Variants in GRIK4 observed in about 807,000 individuals in gnomAD.
GRIK4 encodes the protein glutamate ionotropic receptor kainate type subunit 4.
GRIK4 carries 40 observed loss-of-function variants against 104.9 expected under a neutral mutation model. The ratio of observed to expected loss-of-function variants is 0.38; its 90% CI spans 0.30 to 0.50. The LOEUF (loss-of-function observed/expected upper bound fraction) is 0.50. GRIK4 is among the 20% of genes least tolerant of loss of function. The probability of loss-of-function intolerance (pLI) is 0.93; values close to 1 mark genes in which losing one functional copy is unlikely to be tolerated. For synonymous variants in GRIK4, 485 were observed against 524.9 expected (o/e 0.92, Z 1.04); for missense variants, 1,047 against 1,308.1 (o/e 0.80, Z 3.08).
At chr11:120,645,643 G>A (rs538291131) in intron 1 of GRIK4, among the ~76,000 whole-genome samples, 1 of 152,312 alleles carries the variant, frequency 6.6e-6, no homozygotes, top group South Asian at 2.1e-4. Context: ...CATGGTTGGT[G>A]TAGGTGATCT....
rs147003096 is a variant in GRIK4 at position 120,615,656 on chromosome 11, T to G, written c.-158-38029T>G. 9.2e-5 allele frequency among the ~76,000 whole-genome samples: 14 copies of G among 152,332 alleles called. No individual in the cohort carries two copies. In the East Asian group the frequency reaches 2.3e-3, roughly 25 times the overall value. On this transcript the variant is annotated intron_variant, in intron 1 of 20. Coordinates refer to ENST00000527524, the MANE Select transcript of GRIK4 (RefSeq NM_014619.5). ...CCTCTCAGTAATGCATTCTACCTAC[T>G]GGGCTTGGCTGGCACTCTTCCTGCC...
chr11:120,701,703 C>A (rs371274670), intron 3 of GRIK4, among the ~76,000 whole-genome samples: 1 of 152,092 alleles, frequency 6.6e-6, no homozygotes, highest in South Asian at 2.1e-4. Context: ...ATATTGTTTT[C>A]TGACTTAGAT....
intron 1 of GRIK4, among the ~76,000 whole-genome samples, chr11:120,595,108 C>T (rs1279217540): frequency 2.0e-5 from 3 of 152,174 alleles, no homozygotes; most frequent in African/African-American, 4.8e-5. Context: ...TTAGGAAGGC[C>T]GTCTGTTGCA....
chr11:120,873,963 C>T lies in GRIK4; in HGVS notation c.907-103C>T, dbSNP rs1006111444. 2.8e-6 allele frequency: 3 copies of T among 1,074,740 alleles called. No homozygotes were observed. In the African/African-American group the frequency reaches 4.7e-5, roughly 17 times the overall value. 66.6% of individuals were successfully genotyped at this position (1,074,740 alleles called of 1,614,324 possible). A position where few individuals can be genotyped will look rare whatever the true frequency, so the allele number is the denominator to read the frequency against. On this transcript the variant is annotated intron_variant, in intron 9 of 20. Coordinates refer to ENST00000527524, the MANE Select transcript of GRIK4 (RefSeq NM_014619.5). ...TGCACTCTTATTTCCCTTTCTTTTG[C>T]TTTCTCTTTTCTTCCTCCATTCCTC... is the stretch of plus-strand genomic sequence containing the variant.
chr11:120,532,128 C>T (rs1794552914), intron 1 of GRIK4, among the ~76,000 whole-genome samples: 1 of 152,162 alleles, frequency 6.6e-6, no homozygotes, highest in East Asian at 1.9e-4. Flanking sequence ...TACCTGTGGC[C>T]ACTCAGGCCC....
intron 19 of GRIK4, among the ~76,000 whole-genome samples, chr11:120,969,998 G>T (rs1806505727): frequency 6.6e-6 from 1 of 152,136 alleles, no homozygotes; most frequent in South Asian, 2.1e-4. Flanking sequence ...CTTAGACCCA[G>T]AACCAGTATC....
In GRIK4 at chr11:120,905,596, A is replaced by C. The variant is rs562627117; in HGVS notation, c.1476+103A>C. The C allele has an allele frequency of 2.5e-6, 2 of 794,098 alleles. No individual in the cohort carries two copies. The highest frequency in any genetic ancestry group is 4.3e-6 in the Non-Finnish European group (2 of 467,970). 49.2% of individuals were successfully genotyped at this position (794,098 alleles called of 1,614,324 possible). ...CATGAACCCTCCATTTGTTCAGTCA[A>C]TCATTCATGCATTTGTCATTTATTT... is the stretch of plus-strand genomic sequence containing the variant. On this transcript the variant is annotated intron_variant, in intron 13 of 20. Transcript: ENST00000527524. The surrounding 1 kb of genome is among the most constrained non-coding windows in gnomAD (Gnocchi z 5.1).
At chr11:120,626,921 G>C (rs1170724510) in intron 1 of GRIK4, among the ~76,000 whole-genome samples, 1 of 152,204 alleles carries the variant, frequency 6.6e-6, no homozygotes. Context: ...CAGAAAGCCA[G>C]CCCTAGTGAT....
At position 120,549,013 on chromosome 11, in the gene GRIK4, G is replaced by T. The variant is rs552178114; in HGVS notation, c.-159+37126G>T. Among the ~76,000 whole-genome samples the T allele has an allele frequency of 1.2e-3, 186 of 152,302 alleles. 1 individual carries two copies. The highest frequency in any genetic ancestry group is 2.0e-3 in the Non-Finnish European group (134 of 68,030). ...GCAGGCCCAGGACACAGCACCTCGT[G>T]CATGACCAGGTTTCCCCTCTTCCTG... is the stretch of plus-strand genomic sequence containing the variant. On this transcript the variant is annotated intron_variant, in intron 1 of 20. Transcript: ENST00000527524. This position sits in a 1 kb window ranked among gnomAD's most constrained non-coding sequence, Gnocchi z 4.7.
intron 1 of GRIK4, among the ~76,000 whole-genome samples, chr11:120,561,947 G>A (rs1351192809): frequency 6.6e-6 from 1 of 152,212 alleles, no homozygotes; most frequent in Non-Finnish European, 1.5e-5. Flanking sequence ...GAATATCCAG[G>A]AGGGTATGGC....
At chr11:120,632,549 T>G (rs1198893511) in intron 1 of GRIK4, among the ~76,000 whole-genome samples, 1 of 152,084 alleles carries the variant, frequency 6.6e-6, no homozygotes, top group Non-Finnish European at 1.5e-5. Context: ...TAGCTCCAGG[T>G]ATGAGATATA....
chr11:120,864,050 A>C (rs1219594987), intron 9 of GRIK4, among the ~76,000 whole-genome samples: 1 of 152,148 alleles, frequency 6.6e-6, no homozygotes, highest in Non-Finnish European at 1.5e-5. Flanking sequence ...AGCTGAAGGA[A>C]GGAGTCATGT....
intron 6 of GRIK4, among the ~76,000 whole-genome samples, chr11:120,826,534 G>T (rs1953264278): frequency 6.6e-6 from 1 of 152,226 alleles, no homozygotes. Flanking sequence ...TATTCTCAGA[G>T]CAGGGATGTC....
chr11:120,648,319 G>T (rs529154697), intron 1 of GRIK4, among the ~76,000 whole-genome samples: 1 of 152,338 alleles, frequency 6.6e-6, no homozygotes, highest in South Asian at 2.1e-4. Context: ...AAATGCAGAT[G>T]CCCAGGGCAG....
At chr11:120,963,886 G>A (rs1365174932) in intron 18 of GRIK4, among the ~76,000 whole-genome samples, 1 of 151,962 alleles carries the variant, frequency 6.6e-6, no homozygotes, top group Non-Finnish European at 1.5e-5. Context: ...ATCTAGTTAG[G>A]TGCCTTACCT....
At chr11:120,954,029 T>C (rs2134697306) in intron 15 of GRIK4, among the ~76,000 whole-genome samples, 1 of 152,220 alleles carries the variant, frequency 6.6e-6, no homozygotes, top group South Asian at 2.1e-4. Context: ...ACATCCCATC[T>C]CTGTGGGGTG....
chr11:120,659,028 G>A (rs535724066), intron 2 of GRIK4, among the ~76,000 whole-genome samples: 4 of 152,190 alleles, frequency 2.6e-5, no homozygotes, highest in South Asian at 2.1e-4. Flanking sequence ...GATTACAGGC[G>A]TGAGTCTGTA....
rs77173692 is a variant in GRIK4 at position 120,753,868 on chromosome 11, A to G, written c.83-48825A>G. On this transcript the variant is annotated intron_variant, in intron 3 of 20. Coordinates refer to ENST00000527524, the MANE Select transcript of GRIK4 (RefSeq NM_014619.5). ...AATGGTTTTTAATGTATTTTAATGT[A>G]TTTAACCGTTAGGCAAGCTTCATCA... 6.7e-3 allele frequency among the ~76,000 whole-genome samples: 1,023 copies of G among 152,268 alleles called. 9 individuals carry two copies. Among genetic ancestry groups the G allele is most frequent in the Middle Eastern group, 0.024 (7 of 292 alleles).
intron 3 of GRIK4, among the ~76,000 whole-genome samples, chr11:120,710,452 C>T (rs1950711614): frequency 1.3e-5 from 2 of 152,194 alleles, no homozygotes; most frequent in African/African-American, 2.4e-5. Context: ...CACTGACTCA[C>T]TCTGGCCCCT....
Sources: gnomAD v4.1 joint callset for allele counts (sites outside exome capture counted in the v4.1 genomes callset) on GRCh38, gnomAD v4.1.1 for gene constraint, Gnocchi (gnomAD v3.1) non-coding constraint, MANE v1.5 for transcripts, NCBI Gene and HGNC (gene_info 2026-07-23, HGNC 2026-07-21) for gene names.